The following KCNB2 variants were observed in gnomAD, a reference collection of about 807,000 sequenced individuals.
The protein encoded by KCNB2 is delayed rectifier potassium channel protein.
KCNB2 carries 15 observed loss-of-function variants against 61.5 expected under a neutral mutation model. That is an observed-to-expected ratio of 0.24 (90% confidence interval 0.16 to 0.38). The LOEUF (loss-of-function observed/expected upper bound fraction) is 0.38. KCNB2 is among the 10% of genes least tolerant of loss of function. The pLI is 1.00. For synonymous variants in KCNB2, 457 were observed against 446.0 expected (o/e 1.02, Z -0.31); for missense variants, 828 against 1,125.2 (o/e 0.74, Z 3.78).
chr8:72,929,447 G>A (rs2129008904), intron 2 of KCNB2, among the ~76,000 whole-genome samples: 1 of 152,314 alleles, frequency 6.6e-6, no homozygotes, highest in East Asian at 1.9e-4. Flanking sequence ...GAGAAAAAAG[G>A]TTGTATCCAG....
intron 2 of KCNB2, among the ~76,000 whole-genome samples, chr8:72,653,625 C>T (rs1473167007): frequency 6.6e-6 from 1 of 152,130 alleles, no homozygotes; most frequent in Non-Finnish European, 1.5e-5. Flanking sequence ...CCAAACCTGA[C>T]CTGCCGCTTG....
At chr8:72,784,657 C>G (rs77241476) in intron 2 of KCNB2, among the ~76,000 whole-genome samples, 1 of 152,134 alleles carries the variant, frequency 6.6e-6, no homozygotes, top group African/African-American at 2.4e-5. Flanking sequence ...CTCACTATTA[C>G]GAGAACAGCA....
At chr8:72,739,951 G>T (rs1212121830) in intron 2 of KCNB2, among the ~76,000 whole-genome samples, 1 of 148,834 alleles carries the variant, frequency 6.7e-6, no homozygotes, top group African/African-American at 2.4e-5. Flanking sequence ...AATATTTGCT[G>T]ATTGATTTAT....
intron 2 of KCNB2, among the ~76,000 whole-genome samples, chr8:72,802,045 A>G (rs1209766854): frequency 6.6e-6 from 1 of 152,190 alleles, no homozygotes; most frequent in Non-Finnish European, 1.5e-5. Flanking sequence ...CCCAGATCTC[A>G]ATTTGAATAA....
chr8:72,875,433 A>G (rs1348226251), intron 2 of KCNB2, among the ~76,000 whole-genome samples: 1 of 152,162 alleles, frequency 6.6e-6, no homozygotes, highest in Non-Finnish European at 1.5e-5. Context: ...ATTCAGATGC[A>G]TATTCAACCT....
chr8:72,885,513 C>T (rs1805789503), intron 2 of KCNB2, among the ~76,000 whole-genome samples: 1 of 152,050 alleles, frequency 6.6e-6, no homozygotes, highest in African/African-American at 2.4e-5. Context: ...CCTAACTTCT[C>T]CTTAAGTCAT....
intron 2 of KCNB2, among the ~76,000 whole-genome samples, chr8:72,607,798 G>A (rs1270038048): frequency 6.6e-6 from 1 of 152,028 alleles, no homozygotes; most frequent in East Asian, 1.9e-4. Flanking sequence ...ACTAAAGCAA[G>A]TTTGAATAAC....
rs1806995218 is a variant in KCNB2, at chr8:72,585,938, A to T, written c.579+17625A>T. ...AAGACAGTAGTTTGAAACATTTAAA[A>T]GGGTATGGTATTTCTGTCTAGTCAG... On this transcript the variant is annotated intron_variant, in intron 2 of 2. Transcript: ENST00000523207. Among the ~76,000 whole-genome samples the T allele has an allele frequency of 2.0e-5, 3 of 152,382 alleles. No individual in the cohort carries two copies. The South Asian group carries it at 6.2e-4, about 32-fold the overall frequency.
chr8:72,860,727 A>C (rs528137345), intron 2 of KCNB2, among the ~76,000 whole-genome samples: 101 of 152,224 alleles, frequency 6.6e-4, no homozygotes, highest in Non-Finnish European at 1.0e-3. Context: ...CAAGAGGCAA[A>C]ATGCATTCCA....
At chr8:72,620,121 C>T (rs1805693084) in intron 2 of KCNB2, among the ~76,000 whole-genome samples, 1 of 152,222 alleles carries the variant, frequency 6.6e-6, no homozygotes, top group Non-Finnish European at 1.5e-5. Context: ...TTTACATCTA[C>T]TTTTAAAAAT....
intron 1 of KCNB2, among the ~76,000 whole-genome samples, chr8:72,561,972 G>C (rs1424333307): frequency 6.6e-6 from 1 of 150,710 alleles, no homozygotes; most frequent in African/African-American, 2.4e-5. Flanking sequence ...AAATCATCTT[G>C]TGGTTCTTTG....
intron 2 of KCNB2, among the ~76,000 whole-genome samples, chr8:72,829,804 A>C (rs1454487601): frequency 6.6e-6 from 1 of 152,104 alleles, no homozygotes; most frequent in African/African-American, 2.4e-5. Context: ...AGCCAAAAAA[A>C]ATGTGTCTGA....
Position 72,701,495 on chromosome 8 carries a change from T to C in KCNB2, c.579+133182T>C, listed in dbSNP as rs78501047. 6.4e-3 allele frequency among the ~76,000 whole-genome samples: 975 copies of C among 152,314 alleles called. 10 individuals carry two copies. The highest frequency in any genetic ancestry group is 0.022 in the African/African-American group (919 of 41,578). ...CCACAACATGTTGATACTGCAGAGATGCAGTATGAGCTGTGGTATTTTACC... is the reference window on the plus strand; with the variant it reads ...CCACAACATGTTGATACTGCAGAGACGCAGTATGAGCTGTGGTATTTTACC... On this transcript the variant is annotated intron_variant, in intron 2 of 2. Transcript: ENST00000523207.
Position 72,937,394 on chromosome 8 carries a change from C to G in KCNB2, c.2039C>G (p.Ala680Gly). 6.2e-7 allele frequency: 1 copy of G among 1,614,066 alleles called. No homozygotes were observed. The highest frequency in any genetic ancestry group is 1.1e-5 in the South Asian group (1 of 91,076). ...APVDITVNLD[A>G]SGSQCGLHSP... ...GTTGACATAACTGTGAACCTCGATG[C>G]CAGTGGCTCCCAGTGTGGGCTACAT... Residue 680 changes from alanine (A) to glycine (G), a missense_variant, in exon 3 of 3, where the codon GCC becomes GGC. Around this residue, in one of 4 missense-constraint regions of KCNB2, gnomAD observed 559 missense variants for 588.4 expected, o/e 0.95. Transcript: ENST00000523207.
chr8:72,570,602 G>A (rs915769581), intron 2 of KCNB2, among the ~76,000 whole-genome samples: 6 of 151,900 alleles, frequency 3.9e-5, no homozygotes, highest in Non-Finnish European at 7.4e-5. Flanking sequence ...AATTCTTGGT[G>A]AGAGAAGTGG....
chr8:72,628,400 GGTGTGTGTGTGTGTGTGT>G lies in KCNB2; in HGVS notation c.579+60115_579+60132del, dbSNP rs1160601490. Among the ~76,000 whole-genome samples, 9 of 47,408 alleles carry G rather than the reference GGTGTGTGTGTGTGTGTGT, an allele frequency of 1.9e-4. No individual in the cohort carries two copies. The South Asian group carries it at 4.8e-3, about 25-fold the overall frequency. The allele number at this position is 47,408 out of a possible 152,430, so 31.1% of individuals were successfully genotyped here. On this transcript the variant is annotated intron_variant, in intron 2 of 2. Coordinates refer to ENST00000523207, the MANE Select transcript of KCNB2 (RefSeq NM_004770.3). ...ATTATGCAGATTTCTCCTGTTAGGGGGTGTGTGTGTGTGTGTGTGTGTGTGTGTGTGTGTGTGTGTGTG... is the reference window on the plus strand; with the variant it reads ...ATTATGCAGATTTCTCCTGTTAGGGGGTGTGTGTGTGTGTGTGTGTGTGTG...
In KCNB2 at chr8:72,675,756, G is replaced by A. The variant is rs148355261; in HGVS notation, c.579+107443G>A. Among the ~76,000 whole-genome samples, 869 of 152,202 alleles carry A rather than the reference G, an allele frequency of 5.7e-3. 11 individuals are homozygous for A. The Middle Eastern group carries it at 0.082, about 14-fold the overall frequency. On this transcript the variant is annotated intron_variant, in intron 2 of 2. Coordinates refer to ENST00000523207, the MANE Select transcript of KCNB2 (RefSeq NM_004770.3). ...TTTAGTAGAGACGGGATTTCATCAT[G>A]TTGGTCAGGCTGGTCTCGAGCTCCT...
chr8:72,545,752 A>G (rs1806248977), intron 1 of KCNB2, among the ~76,000 whole-genome samples: 1 of 152,218 alleles, frequency 6.6e-6, no homozygotes, highest in Non-Finnish European at 1.5e-5. Flanking sequence ...GGTATATTGA[A>G]AGCCAAGATA....
At chr8:72,717,356 T>C (rs1314826482) in intron 2 of KCNB2, among the ~76,000 whole-genome samples, 1 of 152,112 alleles carries the variant, frequency 6.6e-6, no homozygotes, top group East Asian at 1.9e-4. Flanking sequence ...CATCGCCAAG[T>C]CAATCCTAAG....
Sources: gnomAD v4.1 joint callset for allele counts (sites outside exome capture counted in the v4.1 genomes callset) on GRCh38, gnomAD v4.1.1 for gene constraint, gnomAD v4.1.1 regional missense constraint, MANE v1.5 for transcripts, NCBI Gene and HGNC (gene_info 2026-07-23, HGNC 2026-07-21) for gene names.